The following CDK9 variants were observed in gnomAD, a reference collection of about 807,000 sequenced individuals.
CDK9 encodes the protein cyclin dependent kinase 9.
A neutral mutation model predicts 39.0 loss-of-function variants in CDK9; 34 were observed. The observed-to-expected ratio is 0.87, with a 90% CI of 0.66 to 1.16. CDK9 has a LOEUF of 1.16. Among genes scored for constraint, CDK9 ranks in the 50% most tolerant of loss-of-function variants. The pLI is 0.00. For synonymous variants in CDK9, 233 were observed against 196.2 expected, an observed-to-expected ratio of 1.19 and a Z score of -1.57; for missense variants, 369 against 503.2, an observed-to-expected ratio of 0.73 and a Z score of 2.55.
chr9:127,788,288 GC>G lies in CDK9; in HGVS notation c.508del (p.Leu170TrpfsTer21). On this transcript the variant is annotated frameshift_variant, in exon 5 of 7. Transcript: ENST00000373264. LOFTEE classifies it high-confidence loss of function. ...GGGTCCTGAAGCTGGCAGACTTTGG[GC>G]TGGCCCGGGCCTTCAGCCTGGCCAA... Reference protein sequence around the residue: ...DGVLKLADFGLARAFSLAKNS... With the variant: ...DGVLKLADFGXARAFSLAKNS... 1 of 1,613,516 alleles carries G rather than the reference GC, an allele frequency of 6.2e-7. No individual in the cohort carries two copies. Among genetic ancestry groups the G allele is most frequent in the Non-Finnish European group, 8.5e-7 (1 of 1,180,000 alleles).
chr9:127,786,117 C>G lies in CDK9; in HGVS notation c.-32C>G. The G allele has an allele frequency of 6.5e-7, 1 of 1,545,850 alleles. No homozygotes were observed. The highest frequency in any genetic ancestry group is 8.8e-7 in the Non-Finnish European group (1 of 1,133,580). On this transcript the variant is annotated 5_prime_UTR_variant, in exon 1 of 7. Coordinates refer to ENST00000373264, the MANE Select transcript of CDK9 (RefSeq NM_001261.4). ...GGAGCAGGAGCGGCGGCAGCAGCGACTGGGGGCGGCGGCGGCGCGTTGGAG... is the reference window on the plus strand; with the variant it reads ...GGAGCAGGAGCGGCGGCAGCAGCGAGTGGGGGCGGCGGCGGCGCGTTGGAG...
chr9:127,786,474 C>T (rs913105315), intron 1 of CDK9, among the ~76,000 whole-genome samples: 1 of 152,110 alleles, frequency 6.6e-6, no homozygotes, highest in Non-Finnish European at 1.5e-5. Context: ...GTGAGGGGAG[C>T]GGGATCTCTC....
At chr9:127,787,682 C>A in intron 3 of CDK9, 74 bp downstream of exon 3, 2 of 1,128,190 alleles carry the variant, frequency 1.8e-6, no homozygotes, top group Non-Finnish European at 2.7e-6. Flanking sequence ...GAACTAGGCA[C>A]ACCTAAACTG....
rs1404594512 is a variant in CDK9 at position 127,788,232 on chromosome 9, A to C, written c.451A>C (p.Lys151Gln). The C allele has an allele frequency of 6.2e-7, 1 of 1,613,814 alleles. No homozygotes were observed. The highest frequency in any genetic ancestry group is 2.2e-5 in the East Asian group (1 of 44,904). Residue 151 changes from lysine to glutamine, a missense_variant, in exon 5 of 7, where the codon AAG (lysine) becomes CAG (glutamine). By Grantham distance (53) the Lys-to-Gln change is moderately conservative. Coordinates refer to ENST00000373264, the MANE Select transcript of CDK9 (RefSeq NM_001261.4). Reference sequence around the variant, plus strand: ...CCTGCAGATCCTGCATAGGGACATGAAGGCTGCTAATGTGCTTATCACTCG... The same window carrying C: ...CCTGCAGATCCTGCATAGGGACATGCAGGCTGCTAATGTGCTTATCACTCG... ...HRNKILHRDM[K>Q]AANVLITRDG...
chr9:127,786,205 C>T lies in CDK9; in HGVS notation c.57C>T (p.Tyr19=), dbSNP rs1378710886. ...ECPFCDEVSK[Y]EKLAKIGQGT... is the part of the protein sequence containing the mutation. ...CTTTTTGTGATGAAGTTTCCAAATA[C>T]GAGAAGCTCGCCAAGATCGGCCAAG... Residue 19 remains tyrosine (Y), a synonymous_variant, in exon 1 of 7, where the codon TAC becomes TAT. Coordinates refer to ENST00000373264, the MANE Select transcript of CDK9 (RefSeq NM_001261.4). 2 of 1,609,600 alleles carry T rather than the reference C, an allele frequency of 1.2e-6. No homozygotes were observed. The highest frequency in any genetic ancestry group is 1.3e-5 in the African/African-American group (1 of 74,374).
Position 127,789,087 on chromosome 9 carries a change from GGTATTTTA to G in CDK9, c.754-88_754-81del. ...AGTCTGGGAGCCTCCGAGTGGAGCA[GGTATTTTA>G]GTCCTTTTAGGCCTTTATGAAGGGA... On this transcript the variant is annotated intron_variant, in intron 6 of 6. Transcript: ENST00000373264. This position sits in a 1 kb window ranked among gnomAD's most constrained non-coding sequence, Gnocchi z 5.2. 6.9e-7 allele frequency: 1 copy of G among 1,459,442 alleles called. No homozygotes were observed. The highest frequency in any genetic ancestry group is 1.4e-5 in the South Asian group (1 of 72,678). 90.4% of individuals were successfully genotyped at this position (1,459,442 alleles called of 1,614,324 possible). A position where few individuals can be genotyped will look rare whatever the true frequency, so the allele number is the denominator to read the frequency against.
chr9:127,787,811 G>C (rs1452098822), intron 3 of CDK9, 136 bp from the exon 4 acceptor site: 1 of 995,760 alleles, frequency 1.0e-6, no homozygotes, highest in African/African-American at 1.6e-5. Flanking sequence ...ATATTTGACC[G>C]GTGAAGGAAG....
chr9:127,786,310 GCC>G, intron 1 of CDK9, 70 bp downstream of exon 1: 1 of 1,148,942 alleles, frequency 8.7e-7, no homozygotes, highest in Non-Finnish European at 1.3e-6. Flanking sequence ...GGATGCCCGG[GCC>G]CCCCCCGAGT....
chr9:127,787,637 G>T, intron 3 of CDK9, 29 bp downstream of exon 3: 2 of 1,492,720 alleles, frequency 1.3e-6, no homozygotes, highest in South Asian at 2.3e-5. Flanking sequence ...ACGAGAAGAT[G>T]ACACTTGTAG....
Position 127,786,141 on chromosome 9 carries a change from A to G in CDK9, c.-8A>G, listed in dbSNP as rs908537095. 3 of 1,590,136 alleles carry G rather than the reference A, an allele frequency of 1.9e-6. No individual in the cohort carries two copies. The highest frequency in any genetic ancestry group is 2.4e-5 in the East Asian group (1 of 42,188). ...ACTGGGGGCGGCGGCGGCGCGTTGGAGGCGGCCATGGCAAAGCAGTACGAC... is the reference window on the plus strand; with the variant it reads ...ACTGGGGGCGGCGGCGGCGCGTTGGGGGCGGCCATGGCAAAGCAGTACGAC... On this transcript the variant is annotated 5_prime_UTR_variant, in exon 1 of 7. Transcript: ENST00000373264.
chr9:127,787,628 C>G lies in CDK9; in HGVS notation c.265+20C>G, dbSNP rs200917975. The G allele has an allele frequency of 4.5e-5, 70 of 1,545,260 alleles. No individual in the cohort carries two copies. Among genetic ancestry groups the G allele is most frequent in the Non-Finnish European group, 5.2e-5 (58 of 1,117,252 alleles). On this transcript the variant is annotated intron_variant, in intron 3 of 6. Transcript: ENST00000373264. ...CCAAAGGTAAGTTATTTGGTTCTTA[C>G]GAGAAGATGACACTTGTAGCCTAAG... is the stretch of plus-strand genomic sequence containing the variant.
chr9:127,786,572 G>C (rs943636724), intron 1 of CDK9, 129 bp from the exon 2 acceptor site: 2 of 772,356 alleles, frequency 2.6e-6, no homozygotes, highest in Non-Finnish European at 4.2e-6. Flanking sequence ...GGGTAGCCGC[G>C]TGCCCTGGGT....
At position 127,789,638 on chromosome 9, in the gene CDK9, G is replaced by A. The variant is rs1829393706; in HGVS notation, c.*95G>A. The A allele has an allele frequency of 6.8e-7, 1 of 1,471,268 alleles. No homozygotes were observed. Among genetic ancestry groups the A allele is most frequent in the Non-Finnish European group, 9.1e-7 (1 of 1,098,074 alleles). 91.1% of individuals were successfully genotyped at this position (1,471,268 alleles called of 1,614,324 possible). On this transcript the variant is annotated 3_prime_UTR_variant, in exon 7 of 7. Coordinates refer to ENST00000373264, the MANE Select transcript of CDK9 (RefSeq NM_001261.4). The surrounding 1 kb of genome is among the most constrained non-coding windows in gnomAD (Gnocchi z 5.2). Reference sequence around the variant, plus strand: ...GGGCATTTGAGTTTATATCTCTCATGCATATTTTATTTAATCCCCACCCTG... The same window carrying A: ...GGGCATTTGAGTTTATATCTCTCATACATATTTTATTTAATCCCCACCCTG...
chr9:127,787,751 A>T, intron 3 of CDK9, 143 bp downstream of exon 3: 1 of 845,224 alleles, frequency 1.2e-6, no homozygotes, highest in East Asian at 2.6e-5. Flanking sequence ...CTTTCATCGT[A>T]GCTGGTGCTT....
rs368784318 is a variant in CDK9 at position 127,786,114 on chromosome 9, C to T, written c.-35C>T. The stretch of plus-strand genomic sequence containing the variant: ...CCCGGAGCAGGAGCGGCGGCAGCAG[C>T]GACTGGGGGCGGCGGCGGCGCGTTG... On this transcript the variant is annotated 5_prime_UTR_variant, in exon 1 of 7. Transcript: ENST00000373264. 172 of 1,527,262 alleles carry T rather than the reference C, an allele frequency of 1.1e-4. No individual in the cohort carries two copies. In the African/African-American group the frequency reaches 2.0e-3, roughly 18 times the overall value. 94.6% of individuals were successfully genotyped at this position (1,527,262 alleles called of 1,614,324 possible).
intron 1 of CDK9, 138 bp downstream of exon 1, chr9:127,786,378 A>C (rs949174673): frequency 5.3e-6 from 4 of 756,560 alleles, no homozygotes; most frequent in Non-Finnish European, 6.5e-6. Flanking sequence ...GCCGCGCCGC[A>C]CCCCGCCCCG....
At position 127,788,065 on chromosome 9, in the gene CDK9, G is replaced by C. The variant is rs199885166; in HGVS notation, c.384G>C (p.Arg128Ser). 1.2e-6 allele frequency: 2 copies of C among 1,614,212 alleles called. No individual in the cohort carries two copies. Among genetic ancestry groups the C allele is most frequent in the Non-Finnish European group, 1.7e-6 (2 of 1,180,040 alleles). The change falls in exon 4 of 7, where the codon AGG becomes AGC. Residue 128 changes from arginine to serine, a missense_variant. Coordinates refer to ENST00000373264, the MANE Select transcript of CDK9 (RefSeq NM_001261.4). The part of the protein sequence containing the change: ...LVKFTLSEIK[R>S]VMQMLLNGLY... ...AGTTCACGCTGTCTGAGATCAAGAG[G>C]GTGATGCAGATGCTGCTTAACGGCC...
In CDK9 at chr9:127,786,040, G is replaced by T; in HGVS notation, c.-109G>T. ...CGCGAGGCCGGAAGTGGCCGTGGAG[G>T]CGGAAGTGGCGCGGCCGCGGAGGGG... is the stretch of plus-strand genomic sequence containing the variant. On this transcript the variant is annotated 5_prime_UTR_variant, in exon 1 of 7. Coordinates refer to ENST00000373264, the MANE Select transcript of CDK9 (RefSeq NM_001261.4). 1 of 577,376 alleles carries T rather than the reference G, an allele frequency of 1.7e-6. No individual in the cohort carries two copies. 35.8% of individuals were successfully genotyped at this position (577,376 alleles called of 1,614,324 possible).
rs3217748 is a variant in CDK9, at chr9:127,789,170, C to T, written c.754-8C>T. 7,209 of 1,554,136 alleles carry T rather than the reference C, an allele frequency of 4.6e-3. 14 individuals are homozygous for T. The highest frequency in any genetic ancestry group is 5.6e-3 in the Non-Finnish European group (6,452 of 1,146,898). On this transcript the variant is annotated splice_polypyrimidine_tract_variant and splice_region_variant and intron_variant, in intron 6 of 6. Coordinates refer to ENST00000373264, the MANE Select transcript of CDK9 (RefSeq NM_001261.4). The surrounding 1 kb of genome is among the most constrained non-coding windows in gnomAD (Gnocchi z 5.2). ...CTCCATATTCTCTCAACGCCCCCTC[C>T]CTCCCAGGTGTGGCCAAACGTGGAC...
Sources: gnomAD v4.1 joint callset for allele counts (sites outside exome capture counted in the v4.1 genomes callset) on GRCh38, gnomAD v4.1.1 for gene constraint, Gnocchi (gnomAD v3.1) non-coding constraint, MANE v1.5 for transcripts, NCBI Gene and HGNC (gene_info 2026-07-23, HGNC 2026-07-21) for gene names.